MICAL2: variants seen among roughly 807,000 people sequenced by gnomAD.
MICAL2 encodes the protein microtubule associated monooxygenase, calponin and LIM domain containing 2.
In MICAL2, 77 loss-of-function variants were observed where a neutral mutation model predicts 127.3. That is an observed-to-expected ratio of 0.60 (90% CI 0.50 to 0.73). The LOEUF is 0.73. Among genes scored for constraint, MICAL2 ranks in the 30% least tolerant of loss-of-function variants. The pLI is 0.00. For missense variants in MICAL2, 1,351 were observed against 1,434.4 expected, an observed-to-expected ratio of 0.94 and a Z score of 0.94; for synonymous variants, 570 against 551.1, an observed-to-expected ratio of 1.03 and a Z score of -0.48.
At chr11:12,221,207 C>T (rs1856780564) in intron 9 of MICAL2, among the ~76,000 whole-genome samples, 1 of 152,164 alleles carries the variant, frequency 6.6e-6, no homozygotes, top group Non-Finnish European at 1.5e-5. Flanking sequence ...CTCCCATGCT[C>T]CATGTTACAC....
At chr11:12,267,370 C>T (rs1863620939), downstream of MICAL2, among the ~76,000 whole-genome samples, 1 of 152,178 alleles carries the variant, frequency 6.6e-6, no homozygotes, top group Non-Finnish European at 1.5e-5. Context: ...CTGCAATTCC[C>T]CTTTTCTTGT....
intron 3 of MICAL2, among the ~76,000 whole-genome samples, chr11:12,187,618 G>A (rs538632524): frequency 6.6e-6 from 1 of 152,344 alleles, no homozygotes; most frequent in Admixed American, 6.5e-5. Flanking sequence ...GGTTTTGAAG[G>A]CTTTGTTGTA....
chr11:12,167,376 G>T (rs114197853), intron 3 of MICAL2, among the ~76,000 whole-genome samples: 6,493 of 152,180 alleles, frequency 0.043, 446 homozygotes, highest in African/African-American at 0.15. Context: ...TGTAGCCCAG[G>T]CCCCGGTTTG....
chr11:12,300,751 G>A (rs576864435), intron 29 of MICAL2, among the ~76,000 whole-genome samples: 20 of 152,258 alleles, frequency 1.3e-4, no homozygotes, highest in Admixed American at 1.2e-3. Flanking sequence ...TTTAATTGCA[G>A]CCTTATAAGA....
At chr11:12,284,319 C>T (rs1565292913) in intron 2 of MICAL2, among the ~76,000 whole-genome samples, 1 of 151,942 alleles carries the variant, frequency 6.6e-6, no homozygotes, top group African/African-American at 2.4e-5. Context: ...GGGAAAATAC[C>T]CTCTCACTCC....
intron 21 of MICAL2, among the ~76,000 whole-genome samples, chr11:12,244,847 C>T (rs1437195731): frequency 6.6e-6 from 1 of 152,152 alleles, no homozygotes; most frequent in Non-Finnish European, 1.5e-5. Flanking sequence ...GAAGTGAGCA[C>T]ACTCTGTGTA....
rs553972653 is a variant in MICAL2 at position 12,256,859 on chromosome 11, C to T, written c.3030C>T (p.Tyr1010=). ...GTTACTTCTGTAAGAAACGTGTGTA[C>T]GTGATGGAACGGCTGAGCGCCGAGG... ...DTCYFCKKRV[Y]VMERLSAEGH... The change falls in exon 24 of 28, where the codon TAC becomes TAT. Residue 1010 remains tyrosine (Y), a synonymous_variant. Coordinates refer to ENST00000683283, the MANE Select transcript of MICAL2 (RefSeq NM_001282663.2). 3.2e-5 allele frequency: 52 copies of T among 1,614,218 alleles called. No individual in the cohort carries two copies. Among genetic ancestry groups the T allele is most frequent in the African/African-American group, 9.3e-5 (7 of 75,074 alleles).
chr11:12,327,270 C>T (rs376171041), intron 32 of MICAL2: 100 of 1,548,898 alleles, frequency 6.5e-5, no homozygotes, highest in African/African-American at 1.8e-4. Context: ...GAAGCAGGTA[C>T]GGCATCCCAG....
chr11:12,293,709 A>T (rs12574273), downstream of MICAL2: 4 of 1,613,932 alleles, frequency 2.5e-6, no homozygotes, highest in Admixed American at 6.7e-5. Flanking sequence ...TGGGCAGAGT[A>T]CTGCCTGGTG....
chr11:12,132,608 G>C (rs571200120), intron 1 of MICAL2, among the ~76,000 whole-genome samples: 2 of 152,218 alleles, frequency 1.3e-5, no homozygotes, highest in Admixed American at 1.3e-4. Context: ...CCAGCTGGGC[G>C]CTGGGCGGTG....
chr11:12,260,006 G>A, intron 26 of MICAL2, 109 bp downstream of exon 26: 3 of 1,552,260 alleles, frequency 1.9e-6, no homozygotes, highest in Non-Finnish European at 2.6e-6. Flanking sequence ...CTCCATATCA[G>A]GGACAATGCT....
intron 3 of MICAL2, among the ~76,000 whole-genome samples, chr11:12,203,360 C>T (rs1484532722): frequency 6.6e-6 from 1 of 152,180 alleles, no homozygotes; most frequent in Non-Finnish European, 1.5e-5. Flanking sequence ...CATGTATCTG[C>T]ACCAATTTAT....
At chr11:12,303,637 G>C (rs1864074880) in intron 29 of MICAL2, 1 of 152,202 alleles carries the variant, frequency 6.6e-6, no homozygotes, top group African/African-American at 2.4e-5. Flanking sequence ...GCCAAATGAT[G>C]TTGCATAACT....
At chr11:12,330,514 CT>C (rs983778424) in intron 32 of MICAL2, among the ~76,000 whole-genome samples, 10 of 152,174 alleles carry the variant, frequency 6.6e-5, no homozygotes, top group Non-Finnish European at 1.2e-4. Flanking sequence ...GGCTTTTGTT[CT>C]GGGAGTTATT....
At chr11:12,312,444 ATCAG>A (rs1367958772) in intron 29 of MICAL2, among the ~76,000 whole-genome samples, 21 of 151,720 alleles carry the variant, frequency 1.4e-4, no homozygotes, top group East Asian at 9.7e-4. Context: ...CACTTTTATC[ATCAG>A]TCAGTTTAAA....
At chr11:12,260,755 T>C (rs548575387) in intron 26 of MICAL2, 5 of 985,340 alleles carry the variant, frequency 5.1e-6, no homozygotes, top group Non-Finnish European at 4.8e-6. Flanking sequence ...CGGAGCAGTG[T>C]GTGGTTGGCT....
chr11:12,173,139 C>A (rs1856467453), intron 3 of MICAL2, among the ~76,000 whole-genome samples: 1 of 152,152 alleles, frequency 6.6e-6, no homozygotes, highest in African/African-American at 2.4e-5. Flanking sequence ...AGAGGCTGCT[C>A]AGAGCCTTTG....
intron 1 of MICAL2, among the ~76,000 whole-genome samples, chr11:12,119,870 G>A (rs188911383): frequency 9.4e-4 from 143 of 152,260 alleles, no homozygotes; most frequent in Middle Eastern, 3.4e-3. Flanking sequence ...ACTGACACTC[G>A]GATGCTTCCT....
At chr11:12,273,357 T>C (rs1379781860), upstream of MICAL2, among the ~76,000 whole-genome samples, 2 of 152,208 alleles carry the variant, frequency 1.3e-5, no homozygotes, top group Non-Finnish European at 2.9e-5. Flanking sequence ...TTATGACTAA[T>C]GCTGCCACCA....
Sources: gnomAD v4.1 joint callset for allele counts (sites outside exome capture counted in the v4.1 genomes callset) on GRCh38, gnomAD v4.1.1 for gene constraint, MANE v1.5 for transcripts, NCBI Gene and HGNC (gene_info 2026-07-23, HGNC 2026-07-21) for gene names.